KIFAP3: variants seen among roughly 807,000 people sequenced by gnomAD.
KIFAP3 encodes kinesin associated protein 3.
KIFAP3 carries 68 observed loss-of-function variants against 106.5 expected under a neutral mutation model. The ratio of observed to expected loss-of-function variants is 0.64; its 90% CI spans 0.53 to 0.78. The LOEUF (loss-of-function observed/expected upper bound fraction) is 0.78. Among genes scored for constraint, KIFAP3 ranks in the 30% least tolerant of loss-of-function variants. The pLI, the probability that KIFAP3 is intolerant of heterozygous loss-of-function variation, is 0.00. For synonymous variants in KIFAP3, 320 were observed against 311.5 expected (o/e 1.03, Z -0.29); for missense variants, 780 against 941.8 (o/e 0.83, Z 2.25).
rs761265231 is a variant in KIFAP3, at chr1:170,016,554, G to C, written c.1091C>G (p.Thr364Ser). 5.6e-6 allele frequency: 9 copies of C among 1,607,364 alleles called. No homozygotes were observed. Among genetic ancestry groups the C allele is most frequent in the Non-Finnish European group, 6.8e-6 (8 of 1,177,144 alleles). ...GGATAGGTTTAGTAAAAGTCGGAGG[G>C]TGATATTCAGCAGGTCTTCATGCTC... ...PCEHEDLLNI[T>S]LRLLLNLSFD... is the part of the protein sequence containing the mutation. The change falls in exon 10 of 20, where the codon ACC becomes AGC. Residue 364 changes from threonine to serine, a missense_variant. Thr to Ser is a moderately conservative substitution (Grantham distance 58). This residue lies in a region of KIFAP3 where 588 missense variants were observed against 678.9 expected (regional missense o/e 0.87). Coordinates refer to ENST00000361580, the MANE Select transcript of KIFAP3 (RefSeq NM_014970.4).
At chr1:169,981,835 T>C in intron 15 of KIFAP3, 137 bp downstream of exon 15, 3 of 667,956 alleles carry the variant, frequency 4.5e-6, no homozygotes, top group South Asian at 4.5e-5. Flanking sequence ...TTAATTCATT[T>C]TTCTTGATTA....
intron 8 of KIFAP3, among the ~76,000 whole-genome samples, chr1:170,025,088 A>T (rs1669039852): frequency 6.6e-6 from 1 of 152,190 alleles, no homozygotes; most frequent in Non-Finnish European, 1.5e-5. Context: ...AGCCTACTAA[A>T]ATCAACTTTT....
At chr1:169,923,672 G>A (rs1371459264) in intron 19 of KIFAP3, among the ~76,000 whole-genome samples, 2 of 152,156 alleles carry the variant, frequency 1.3e-5, no homozygotes, top group African/African-American at 2.4e-5. Flanking sequence ...ATGAAAACAA[G>A]AGGCATATGT....
chr1:170,073,963 C>T (rs1671813302), intron 1 of KIFAP3, among the ~76,000 whole-genome samples: 1 of 152,136 alleles, frequency 6.6e-6, no homozygotes, highest in African/African-American at 2.4e-5. Flanking sequence ...CTCAATTCAG[C>T]CTTCCAAAAA....
chr1:169,932,926 T>A (rs1377137362), intron 19 of KIFAP3, among the ~76,000 whole-genome samples: 2 of 151,980 alleles, frequency 1.3e-5, no homozygotes, highest in Non-Finnish European at 2.9e-5. Flanking sequence ...TGTGTCAATA[T>A]TTTTTAGTCT....
At chr1:169,998,627 G>A (rs1166630551) in intron 10 of KIFAP3, among the ~76,000 whole-genome samples, 1 of 151,658 alleles carries the variant, frequency 6.6e-6, no homozygotes, top group Non-Finnish European at 1.5e-5. Context: ...TTTGTAATTA[G>A]GGAATGAAAA....
intron 19 of KIFAP3, among the ~76,000 whole-genome samples, chr1:169,935,148 G>A (rs1220611368): frequency 6.6e-6 from 1 of 151,858 alleles, no homozygotes; most frequent in African/African-American, 2.4e-5. Context: ...ACTTTTAAGA[G>A]CTCTTGCATA....
intron 9 of KIFAP3, among the ~76,000 whole-genome samples, chr1:170,023,812 C>T (rs1407032068): frequency 6.6e-6 from 1 of 151,974 alleles, no homozygotes; most frequent in South Asian, 2.1e-4. Flanking sequence ...TGTATCAACA[C>T]AGTAAAAGAT....
intron 19 of KIFAP3, among the ~76,000 whole-genome samples, chr1:169,952,116 G>T (rs1394543947): frequency 6.6e-6 from 1 of 151,898 alleles, no homozygotes; most frequent in Non-Finnish European, 1.5e-5. Context: ...ACCATGTTTA[G>T]CTTTTATTTC....
intron 16 of KIFAP3, among the ~76,000 whole-genome samples, chr1:169,975,693 G>C (rs1390497393): frequency 6.6e-6 from 1 of 151,912 alleles, no homozygotes; most frequent in Non-Finnish European, 1.5e-5. Flanking sequence ...TAGCTCACTG[G>C]AGCCTCAAAT....
At chr1:169,997,991 C>A (rs1194209096) in intron 10 of KIFAP3, among the ~76,000 whole-genome samples, 2 of 150,946 alleles carry the variant, frequency 1.3e-5, no homozygotes, top group Non-Finnish European at 3.0e-5. Flanking sequence ...GTAATAAGAA[C>A]CCATCATCAT....
chr1:169,998,876 C>G (rs1320972359), intron 10 of KIFAP3, among the ~76,000 whole-genome samples: 1 of 152,044 alleles, frequency 6.6e-6, no homozygotes, highest in Non-Finnish European at 1.5e-5. Flanking sequence ...AAAAATGCAG[C>G]CTATAACTTC....
chr1:170,075,450 A>G (rs914643493), upstream of KIFAP3, among the ~76,000 whole-genome samples: 8 of 152,292 alleles, frequency 5.3e-5, no homozygotes, highest in African/African-American at 1.4e-4. Context: ...CTGCTCACCT[A>G]TAATCTTGTC....
At chr1:169,989,990 A>C in intron 11 of KIFAP3, 1 of 1,478,328 alleles carries the variant, frequency 6.8e-7, no homozygotes, top group Non-Finnish European at 9.1e-7. Flanking sequence ...AATTACCTTC[A>C]TAAGTACGAT....
At chr1:169,976,273 A>G (rs1465482424) in intron 16 of KIFAP3, among the ~76,000 whole-genome samples, 3 of 152,158 alleles carry the variant, frequency 2.0e-5, no homozygotes, top group Non-Finnish European at 2.9e-5. Flanking sequence ...AGTGGCTTCT[A>G]TAGTTATGTA....
Position 170,034,485 on chromosome 1 carries a change from A to G in KIFAP3, c.629T>C (p.Phe210Ser). ...TTTATAGTGAGTAATAAGTCCATGA[A>G]ATTGAGAAAAGCTTTAAAGAAGACA... Reference protein sequence around the residue: ...IFFCFSSFSQFHGLITHYKIG... With the variant: ...IFFCFSSFSQSHGLITHYKIG... The change falls in exon 7 of 20, where the codon TTT becomes TCT. Residue 210 changes from phenylalanine to serine, a missense_variant. This residue lies in a region of KIFAP3 where 588 missense variants were observed against 678.9 expected (regional missense o/e 0.87). Transcript: ENST00000361580. 1 of 1,450,080 alleles carries G rather than the reference A, an allele frequency of 6.9e-7. No homozygotes were observed. Among genetic ancestry groups the G allele is most frequent in the Non-Finnish European group, 9.5e-7 (1 of 1,056,282 alleles). The allele number at this position is 1,450,080 out of a possible 1,614,324, so 89.8% of individuals were successfully genotyped here. A position where few individuals can be genotyped will look rare whatever the true frequency, so the allele number is the denominator to read the frequency against.
chr1:170,061,021 T>C (rs1671122902), intron 1 of KIFAP3, among the ~76,000 whole-genome samples: 1 of 152,184 alleles, frequency 6.6e-6, no homozygotes, highest in Non-Finnish European at 1.5e-5. Flanking sequence ...TCAAGGTGGA[T>C]TAAAGACTTA....
In KIFAP3 at chr1:169,921,500, G is replaced by A; in HGVS notation, c.*176C>T. 1.8e-6 allele frequency: 1 copy of A among 543,520 alleles called. No homozygotes were observed. Among genetic ancestry groups the A allele is most frequent in the Non-Finnish European group, 3.3e-6 (1 of 302,282 alleles). The allele number at this position is 543,520 out of a possible 1,614,324, so 33.7% of individuals were successfully genotyped here. A position where few individuals can be genotyped will look rare whatever the true frequency, so the allele number is the denominator to read the frequency against. On this transcript the variant is annotated 3_prime_UTR_variant, in exon 20 of 20. Coordinates refer to ENST00000361580, the MANE Select transcript of KIFAP3 (RefSeq NM_014970.4). ...TGAGTGAACAATGTCAGTATCAACT[G>A]TACTTAACAGAAGACAGAGGGGCTG...
intron 3 of KIFAP3, among the ~76,000 whole-genome samples, chr1:170,041,430 C>T (rs1669974527): frequency 6.6e-6 from 1 of 152,116 alleles, no homozygotes; most frequent in African/African-American, 2.4e-5. Flanking sequence ...TCGCTTGAGC[C>T]CAGGAGTTTG....
Sources: gnomAD v4.1 joint callset for allele counts (sites outside exome capture counted in the v4.1 genomes callset) on GRCh38, gnomAD v4.1.1 for gene constraint, gnomAD v4.1.1 regional missense constraint, MANE v1.5 for transcripts, NCBI Gene and HGNC (gene_info 2026-07-23, HGNC 2026-07-21) for gene names.